The following NR3C2 variants were observed in gnomAD, a reference collection of about 807,000 sequenced individuals.
The protein encoded by NR3C2 is mineralocorticoid receptor.
In NR3C2, 15 loss-of-function variants were observed where a neutral mutation model predicts 86.4. The observed-to-expected ratio is 0.17, with a 90% CI of 0.12 to 0.27. NR3C2 has a LOEUF of 0.27. Ranked by LOEUF, NR3C2 falls within the 10% of genes least tolerant of loss-of-function variation. NR3C2 has a pLI of 1.00. For synonymous variants in NR3C2, 458 were observed against 450.5 expected (o/e 1.02, Z -0.21); for missense variants, 960 against 1,195.6 (o/e 0.80, Z 2.91).
At chr4:148,443,946 G>C (rs942669729), upstream of NR3C2, 2 of 966,302 alleles carry the variant, frequency 2.1e-6, no homozygotes, top group African/African-American at 3.5e-5. Flanking sequence ...AGCGCCGCGA[G>C]CTGGTCCTGA....
At chr4:148,285,871 G>A (rs1741496325) in intron 2 of NR3C2, among the ~76,000 whole-genome samples, 1 of 152,092 alleles carries the variant, frequency 6.6e-6, no homozygotes, top group South Asian at 2.1e-4. Context: ...TCCTATCAAT[G>A]TTCTATTTCA....
chr4:148,380,431 G>A (rs1182639916), intron 2 of NR3C2, among the ~76,000 whole-genome samples: 1 of 152,122 alleles, frequency 6.6e-6, no homozygotes, highest in Admixed American at 6.5e-5. Flanking sequence ...ACATTCGTGT[G>A]CAAGTTCTTG....
intron 7 of NR3C2, among the ~76,000 whole-genome samples, chr4:148,119,355 C>CT (rs1732408582): frequency 6.6e-6 from 1 of 152,210 alleles, no homozygotes; most frequent in Non-Finnish European, 1.5e-5. Flanking sequence ...TCTATCCAAC[C>CT]TACGACCCTT....
At chr4:148,124,232 C>A (rs1259257873) in intron 6 of NR3C2, among the ~76,000 whole-genome samples, 1 of 107,842 alleles carries the variant, frequency 9.3e-6, no homozygotes, top group Non-Finnish European at 1.9e-5. Context: ...GAGACTCCAT[C>A]CCAAAACCAA....
intron 3 of NR3C2, among the ~76,000 whole-genome samples, chr4:148,238,767 C>T (rs1241211626): frequency 6.6e-6 from 1 of 152,094 alleles, no homozygotes; most frequent in Non-Finnish European, 1.5e-5. Context: ...GATAGAGTCC[C>T]TCTCTGCTTT....
intron 4 of NR3C2, among the ~76,000 whole-genome samples, chr4:148,175,226 C>T (rs1408133793): frequency 6.6e-6 from 1 of 152,242 alleles, no homozygotes; most frequent in East Asian, 1.9e-4. Flanking sequence ...AATGAAAGGA[C>T]CTTCTTATCC....
At chr4:148,374,322 C>T (rs565887555) in intron 2 of NR3C2, among the ~76,000 whole-genome samples, 1 of 152,184 alleles carries the variant, frequency 6.6e-6, no homozygotes, top group Non-Finnish European at 1.5e-5. Flanking sequence ...CTTAAAAAGG[C>T]AAAATAATCA....
At chr4:148,088,615 C>T (rs1730923110) in intron 8 of NR3C2, among the ~76,000 whole-genome samples, 1 of 150,636 alleles carries the variant, frequency 6.6e-6, no homozygotes, top group African/African-American at 2.5e-5. Context: ...AACACAAGAA[C>T]AGAAAACCAA....
rs572052899 is a variant in NR3C2 at position 148,437,784 on chromosome 4, C to T, written c.-2-922G>A. Among the ~76,000 whole-genome samples the T allele has an allele frequency of 2.0e-5, 3 of 152,226 alleles. No homozygotes were observed. In the East Asian group the frequency reaches 5.8e-4, roughly 29 times the overall value. Reference sequence around the variant, plus strand: ...AATATTTACCAAGTGCCTGCTACACCCTTGGCCTTAGACCAGTCAGTGAAC... The same window carrying T: ...AATATTTACCAAGTGCCTGCTACACTCTTGGCCTTAGACCAGTCAGTGAAC... On this transcript the variant is annotated intron_variant, in intron 1 of 8. Transcript: ENST00000358102.
At chr4:148,166,963 T>C (rs1734908574) in intron 4 of NR3C2, among the ~76,000 whole-genome samples, 1 of 152,186 alleles carries the variant, frequency 6.6e-6, no homozygotes, top group Non-Finnish European at 1.5e-5. Context: ...TAAAGTAACA[T>C]CACATTGATA....
Position 148,435,142 on chromosome 4 carries a change from C to A in NR3C2, c.1719G>T (p.Gly573=). ...HGDLSSRRSD[G]YPVLEYIPEN... The stretch of plus-strand genomic sequence containing the variant: ...CTGGAATGTATTCTAAGACCGGATA[C>A]CCATCACTTCTTCTAGACGACAGGT... Residue 573 remains glycine (G), a synonymous_variant, in exon 2 of 9, where the codon GGG becomes GGT. Coordinates refer to ENST00000358102, the MANE Select transcript of NR3C2 (RefSeq NM_000901.5). The A allele has an allele frequency of 6.2e-7, 1 of 1,614,156 alleles. No homozygotes were observed. The highest frequency in any genetic ancestry group is 8.5e-7 in the Non-Finnish European group (1 of 1,180,008).
chr4:148,130,841 T>TTTA, intron 6 of NR3C2, among the ~76,000 whole-genome samples: 1 of 124,594 alleles, frequency 8.0e-6, no homozygotes, highest in Non-Finnish European at 1.7e-5. Context: ...TTTTTTTTTT[T>TTTA]GAGACAGAGT....
At position 148,421,429 on chromosome 4, in the gene NR3C2, T is replaced by C. The variant is rs1370247030; in HGVS notation, c.1757+13675A>G. ...TTTCTGTCTTAATATAGTCTTTCTT[T>C]CTTCTCTTAGGCAAGGCCCAGGGAA... is the stretch of plus-strand genomic sequence containing the variant. On this transcript the variant is annotated intron_variant, in intron 2 of 8. Coordinates refer to ENST00000358102, the MANE Select transcript of NR3C2 (RefSeq NM_000901.5). Among the ~76,000 whole-genome samples, 4 of 152,234 alleles carry C rather than the reference T, an allele frequency of 2.6e-5. No individual in the cohort carries two copies. In the East Asian group the frequency reaches 7.7e-4, roughly 29 times the overall value.
At chr4:148,082,471 C>G (rs1730611049) in intron 8 of NR3C2, among the ~76,000 whole-genome samples, 1 of 152,088 alleles carries the variant, frequency 6.6e-6, no homozygotes, top group Admixed American at 6.5e-5. Context: ...GGTTGGGGAA[C>G]TCCCTCCCCT....
intron 2 of NR3C2, among the ~76,000 whole-genome samples, chr4:148,283,415 T>A (rs1456183870): frequency 6.6e-6 from 1 of 152,200 alleles, no homozygotes; most frequent in East Asian, 1.9e-4. Flanking sequence ...TTTATTTTCA[T>A]AAAGAACCTA....
chr4:148,261,301 T>C (rs1396964130), intron 2 of NR3C2, among the ~76,000 whole-genome samples: 3 of 131,864 alleles, frequency 2.3e-5, no homozygotes, highest in Non-Finnish European at 5.0e-5. Context: ...GTAAGTGCTA[T>C]GGTGCGCTAT....
intron 7 of NR3C2, among the ~76,000 whole-genome samples, chr4:148,115,517 C>T (rs1277948333): frequency 2.0e-5 from 3 of 152,152 alleles, no homozygotes; most frequent in Admixed American, 6.5e-5. Context: ...TATTTATTTG[C>T]TAATTTCCCA....
rs138440512 is a variant in NR3C2 at position 148,142,917 on chromosome 4, G to A, written c.2510+9552C>T. Among the ~76,000 whole-genome samples the A allele has an allele frequency of 2.5e-3, 379 of 152,208 alleles. 8 individuals carry two copies. In the South Asian group the frequency reaches 0.044, roughly 18 times the overall value. ...CATCCCCCTCCCCACCATCTCTCTT[G>A]CTCCTGCTTTTGCCATGTGATGTGC... is the stretch of plus-strand genomic sequence containing the variant. On this transcript the variant is annotated intron_variant, in intron 6 of 8. Transcript: ENST00000358102.
chr4:148,227,765 T>C (rs1240280048), intron 3 of NR3C2, among the ~76,000 whole-genome samples: 1 of 152,204 alleles, frequency 6.6e-6, no homozygotes, highest in Admixed American at 6.5e-5. Context: ...TTGTTCAAGG[T>C]ATCCCAGATT....
Sources: allele counts gnomAD v4.1 joint callset (sites outside exome capture counted in the v4.1 genomes callset), GRCh38; gene constraint gnomAD v4.1.1; transcripts MANE v1.5; gene names NCBI Gene and HGNC (gene_info 2026-07-23, HGNC 2026-07-21).